The following NCKAP5 variants were observed in gnomAD, a reference collection of about 807,000 sequenced individuals.
NCKAP5 encodes nck-associated protein 5.
NCKAP5 carries 92 observed loss-of-function variants against 167.0 expected under a neutral mutation model. The observed-to-expected ratio is 0.55, with a 90% CI of 0.47 to 0.66. NCKAP5 has a LOEUF of 0.66. NCKAP5 is among the 30% of genes least tolerant of loss of function. The pLI, the probability that NCKAP5 is intolerant of heterozygous loss-of-function variation, is 0.00. For synonymous variants in NCKAP5, 891 were observed against 877.4 expected (o/e 1.02, Z -0.27); for missense variants, 2,378 against 2,315.0 (o/e 1.03, Z -0.56).
chr2:133,612,731 G>A, the NCKAP5 span, among the ~76,000 whole-genome samples: 1 of 152,192 alleles, frequency 6.6e-6, no homozygotes, highest in Non-Finnish European at 1.5e-5. Context: ...TTCTACACTT[G>A]CTACATTATA....
intron 16 of NCKAP5, among the ~76,000 whole-genome samples, chr2:132,759,839 T>C (rs538999265): frequency 6.6e-6 from 1 of 152,178 alleles, no homozygotes; most frequent in South Asian, 2.1e-4. Flanking sequence ...TTTCTACCTT[T>C]TATTTTATGC....
intron 3 of NCKAP5, among the ~76,000 whole-genome samples, chr2:133,455,567 C>T (rs1242251882): frequency 6.6e-6 from 1 of 152,058 alleles, no homozygotes; most frequent in Non-Finnish European, 1.5e-5. Flanking sequence ...CAATCTGTTT[C>T]TCCCTTTTTT....
At chr2:133,366,549 G>T (rs1685468980) in intron 3 of NCKAP5, among the ~76,000 whole-genome samples, 1 of 152,072 alleles carries the variant, frequency 6.6e-6, no homozygotes, top group Non-Finnish European at 1.5e-5. Context: ...TGATCCACCA[G>T]CCTCAGCCCC....
chr2:132,744,179 T>C (rs1314209841), intron 16 of NCKAP5, among the ~76,000 whole-genome samples: 1 of 151,732 alleles, frequency 6.6e-6, no homozygotes, highest in African/African-American at 2.4e-5. Flanking sequence ...TTTAAAACTT[T>C]GACCAATGTG....
intron 1 of NCKAP5, among the ~76,000 whole-genome samples, chr2:133,562,489 G>C (rs572895657): frequency 6.6e-6 from 1 of 152,336 alleles, no homozygotes; most frequent in South Asian, 2.1e-4. Context: ...TTTGCCAAAT[G>C]AAGCAAGTTG....
rs559253752 is a variant in NCKAP5 at position 132,764,921 on chromosome 2, C to T, written c.5128+8895G>A. On this transcript the variant is annotated intron_variant, in intron 16 of 19. Coordinates refer to ENST00000409261, the MANE Select transcript of NCKAP5 (RefSeq NM_207363.3). ...TTAAATTTCTAAATTTTCTTCAAAT[C>T]TTCTTGGTGAGGAAATTGGTAATAT... Among the ~76,000 whole-genome samples, 250 of 152,244 alleles carry T rather than the reference C, an allele frequency of 1.6e-3. 1 individual carries two copies. Among genetic ancestry groups the T allele is most frequent in the African/African-American group, 5.6e-3 (234 of 41,544 alleles).
chr2:133,524,035 C>T (rs1684679476), intron 2 of NCKAP5, among the ~76,000 whole-genome samples: 1 of 152,152 alleles, frequency 6.6e-6, no homozygotes, highest in South Asian at 2.1e-4. Flanking sequence ...AGAGCAGTGG[C>T]TGTCAAGCTT....
At chr2:133,326,701 C>T (rs1442874681) in intron 3 of NCKAP5, among the ~76,000 whole-genome samples, 1 of 152,064 alleles carries the variant, frequency 6.6e-6, no homozygotes. Flanking sequence ...ACCTCTACCC[C>T]ATCTCTAATG....
At chr2:133,438,073 T>C (rs969534443) in intron 3 of NCKAP5, among the ~76,000 whole-genome samples, 3 of 152,254 alleles carry the variant, frequency 2.0e-5, no homozygotes, top group Non-Finnish European at 2.9e-5. Context: ...GAGTTGCTAA[T>C]GGAGCCAGTG....
At position 133,539,727 on chromosome 2, in the gene NCKAP5, C is replaced by A. The variant is rs553450879; in HGVS notation, c.-62+19323G>T. Among the ~76,000 whole-genome samples the A allele has an allele frequency of 2.0e-5, 3 of 152,014 alleles. No homozygotes were observed. In the East Asian group the frequency reaches 5.8e-4, roughly 29 times the overall value. On this transcript the variant is annotated intron_variant, in intron 2 of 19. Transcript: ENST00000409261. ...TAAAAACTTATGCTGATGAATCCAC[C>A]TAGAATAAAGCACAGAGAGAAAAGT...
the NCKAP5 span, among the ~76,000 whole-genome samples, chr2:133,647,291 C>T: frequency 6.7e-6 from 1 of 149,126 alleles, no homozygotes; most frequent in Non-Finnish European, 1.5e-5. Context: ...GAGCTTTGGT[C>T]ATGCCACTGC....
chr2:133,544,003 T>C (rs1310163750), intron 2 of NCKAP5, among the ~76,000 whole-genome samples: 1 of 152,212 alleles, frequency 6.6e-6, no homozygotes, highest in African/African-American at 2.4e-5. Flanking sequence ...TGAAATGAAG[T>C]TAAACTACTG....
intron 5 of NCKAP5, among the ~76,000 whole-genome samples, chr2:133,145,680 C>A (rs1321408523): frequency 6.6e-6 from 1 of 151,982 alleles, no homozygotes; most frequent in Non-Finnish European, 1.5e-5. Flanking sequence ...GCATGTAGTT[C>A]ATATTTTAAA....
At chr2:132,944,930 G>C (rs1697585911) in intron 8 of NCKAP5, among the ~76,000 whole-genome samples, 1 of 152,128 alleles carries the variant, frequency 6.6e-6, no homozygotes, top group Non-Finnish European at 1.5e-5. Flanking sequence ...AGCAGAGATG[G>C]GTTCAGGAGT....
intron 4 of NCKAP5, among the ~76,000 whole-genome samples, chr2:133,249,380 A>G (rs1356274948): frequency 6.6e-6 from 1 of 152,176 alleles, no homozygotes; most frequent in Non-Finnish European, 1.5e-5. Flanking sequence ...AACCACTAGA[A>G]AGTGGGGAAG....
At chr2:133,126,608 G>A (rs1163611692) in intron 6 of NCKAP5, among the ~76,000 whole-genome samples, 1 of 152,152 alleles carries the variant, frequency 6.6e-6, no homozygotes, top group Non-Finnish European at 1.5e-5. Flanking sequence ...GCACCATTTT[G>A]GGCCACGTCT....
intron 7 of NCKAP5, among the ~76,000 whole-genome samples, chr2:132,964,458 A>T (rs1172594093): frequency 1.3e-5 from 2 of 152,204 alleles, no homozygotes; most frequent in Non-Finnish European, 2.9e-5. Flanking sequence ...AGGCAGACAT[A>T]AAAAGTTATT....
intron 8 of NCKAP5, among the ~76,000 whole-genome samples, chr2:132,914,538 T>TA (rs1694713920): frequency 6.6e-6 from 1 of 151,980 alleles, no homozygotes; most frequent in Admixed American, 6.6e-5. Flanking sequence ...CATGGACTAA[T>TA]ACTACCTTTA....
At chr2:133,525,775 C>A (rs1684820605) in intron 2 of NCKAP5, among the ~76,000 whole-genome samples, 1 of 152,092 alleles carries the variant, frequency 6.6e-6, no homozygotes, top group Non-Finnish European at 1.5e-5. Context: ...TTCCTCATCA[C>A]TTCTTGAGGC....
Sources: allele counts gnomAD v4.1 joint callset (sites outside exome capture counted in the v4.1 genomes callset), GRCh38; gene constraint gnomAD v4.1.1; transcripts MANE v1.5; gene names NCBI Gene and HGNC (gene_info 2026-07-23, HGNC 2026-07-21).